Variants in NAV3 observed in about 807,000 individuals in gnomAD.
NAV3 encodes the protein pore membrane and/or filament interacting like protein 1.
Under a neutral mutation model 244.7 loss-of-function variants are expected in NAV3, and 87 were observed. That is an observed-to-expected ratio of 0.36 (90% CI 0.30 to 0.42). NAV3 has a LOEUF of 0.42. Among genes scored for constraint, NAV3 ranks in the 20% least tolerant of loss-of-function variants. The pLI, the probability that NAV3 is intolerant of heterozygous loss-of-function variation, is 1.00. For missense variants in NAV3, 2,663 were observed against 2,893.3 expected (o/e 0.92, Z 1.83); for synonymous variants, 1,126 against 1,042.2 (o/e 1.08, Z -1.55).
intron 2 of NAV3, among the ~76,000 whole-genome samples, chr12:77,701,571 C>T (rs1351010910): frequency 2.0e-5 from 3 of 151,796 alleles, no homozygotes; most frequent in Non-Finnish European, 4.4e-5. Context: ...AAGTTAGAAA[C>T]TTCAGTTAGA....
chr12:78,184,541 A>G (rs1477502333), intron 30 of NAV3, among the ~76,000 whole-genome samples: 1 of 151,874 alleles, frequency 6.6e-6, no homozygotes, highest in Non-Finnish European at 1.5e-5. Context: ...AAAGTTCTCA[A>G]GCTCTGAAAG....
At chr12:78,123,947 A>G (rs1327948151) in intron 16 of NAV3, among the ~76,000 whole-genome samples, 3 of 152,220 alleles carry the variant, frequency 2.0e-5, no homozygotes, top group Non-Finnish European at 1.5e-5. Context: ...CTAATGAATG[A>G]ATTATATTAA....
At position 78,006,497 on chromosome 12, in the gene NAV3, C is replaced by G. The variant is rs776672036; in HGVS notation, c.959C>G (p.Ala320Gly). ...CCCAGTACTGCTGGGCAGCCTCCTG[C>G]CTCTGCCATCCCTTCTCCAAGTGCC... ...QPPSTAGQPP[A>G]SAIPSPSASK... The change falls in exon 8 of 40, where the codon GCC (alanine) becomes GGC (glycine). Residue 320 changes from alanine to glycine, a missense_variant. Transcript: ENST00000397909. 1 of 1,614,036 alleles carries G rather than the reference C, an allele frequency of 6.2e-7. No individual in the cohort carries two copies. The highest frequency in any genetic ancestry group is 1.7e-5 in the Admixed American group (1 of 60,020).
At chr12:78,178,039 A>G (rs917520013) in intron 28 of NAV3, among the ~76,000 whole-genome samples, 2 of 151,900 alleles carry the variant, frequency 1.3e-5, no homozygotes, top group Non-Finnish European at 2.9e-5. Context: ...ATACCTACAT[A>G]TGATAAAATT....
intron 2 of NAV3, among the ~76,000 whole-genome samples, chr12:77,651,420 CT>C (rs1041792685): frequency 1.3e-5 from 2 of 151,992 alleles, no homozygotes; most frequent in Non-Finnish European, 2.9e-5. Context: ...TTTCCCGTGC[CT>C]TTTTTTTCTT....
intron 2 of NAV3, among the ~76,000 whole-genome samples, chr12:77,654,438 ACAAAG>A (rs1337347820): frequency 6.6e-6 from 1 of 152,146 alleles, no homozygotes; most frequent in African/African-American, 2.4e-5. Flanking sequence ...TCTTAGGTAA[ACAAAG>A]CAGTCAGGAA....
chr12:77,902,402 C>T (rs144439027), intron 1 of NAV3, among the ~76,000 whole-genome samples: 5 of 152,278 alleles, frequency 3.3e-5, no homozygotes, highest in African/African-American at 1.2e-4. Context: ...CCCATCAATA[C>T]CTAATTTATT....
At chr12:78,040,912 C>T (rs539459898) in intron 9 of NAV3, among the ~76,000 whole-genome samples, 2 of 152,186 alleles carry the variant, frequency 1.3e-5, no homozygotes, top group South Asian at 4.2e-4. Flanking sequence ...ATGTCTCTTC[C>T]TTGTCTGTAA....
At chr12:77,820,124 C>G (rs1048979006) in intron 2 of NAV3, among the ~76,000 whole-genome samples, 1 of 151,728 alleles carries the variant, frequency 6.6e-6, no homozygotes, top group African/African-American at 2.4e-5. Flanking sequence ...ACGCACTATT[C>G]TGGTAAGAAG....
chr12:77,866,804 G>A lies in NAV3; in HGVS notation c.243+35100G>A, dbSNP rs545970315. On this transcript the variant is annotated intron_variant, in intron 1 of 39. Transcript: ENST00000397909. ...CATCCAATCAAAGCTTAGATCTATA[G>A]TCAAATTCTTCCATGAAATAACATG... 6.2e-4 allele frequency among the ~76,000 whole-genome samples: 95 copies of A among 152,306 alleles called. No individual in the cohort carries two copies. The Middle Eastern group carries it at 0.01, about 16-fold the overall frequency.
chr12:77,585,845 CTGAAATATTTAAA>C (rs1869582114), intron 2 of NAV3, among the ~76,000 whole-genome samples: 1 of 152,166 alleles, frequency 6.6e-6, no homozygotes, highest in Non-Finnish European at 1.5e-5. Context: ...CTCTTTACCT[CTGAAATATTTAAA>C]TGTCTATTCT....
chr12:78,054,007 G>A (rs886592471), intron 11 of NAV3, among the ~76,000 whole-genome samples: 5 of 152,132 alleles, frequency 3.3e-5, no homozygotes, highest in Non-Finnish European at 7.4e-5. Flanking sequence ...GTTTGAATAA[G>A]AAATCAAGGG....
At chr12:78,023,921 C>T (rs991583825) in intron 9 of NAV3, among the ~76,000 whole-genome samples, 3 of 152,026 alleles carry the variant, frequency 2.0e-5, no homozygotes, top group African/African-American at 7.2e-5. Flanking sequence ...GTGTTGCAGT[C>T]CCTCCTGAGC....
intron 12 of NAV3, among the ~76,000 whole-genome samples, chr12:78,074,063 G>A (rs373392263): frequency 6.6e-6 from 1 of 152,106 alleles, no homozygotes; most frequent in Non-Finnish European, 1.5e-5. Context: ...GGAAATAAAA[G>A]CAATAAAGCT....
chr12:78,083,275 T>A (rs1953455082), intron 12 of NAV3, among the ~76,000 whole-genome samples: 1 of 152,116 alleles, frequency 6.6e-6, no homozygotes, highest in Admixed American at 6.5e-5. Context: ...AGTAGGTTGA[T>A]ACATTCATGA....
At chr12:78,173,788 G>A (rs1321251373) in intron 24 of NAV3, among the ~76,000 whole-genome samples, 1 of 150,734 alleles carries the variant, frequency 6.6e-6, no homozygotes, top group East Asian at 2.0e-4. Flanking sequence ...AAATTTTTCA[G>A]CATGATTGCC....
intron 2 of NAV3, among the ~76,000 whole-genome samples, chr12:77,604,301 C>G (rs1870573459): frequency 6.6e-6 from 1 of 151,384 alleles, no homozygotes; most frequent in African/African-American, 2.4e-5. Context: ...AGCAGAAAGA[C>G]AAAAGAAAAT....
chr12:77,688,284 C>A (rs1874849709), intron 2 of NAV3, among the ~76,000 whole-genome samples: 1 of 151,954 alleles, frequency 6.6e-6, no homozygotes, highest in Non-Finnish European at 1.5e-5. Flanking sequence ...AAAGGGGACA[C>A]AGACACTTCA....
intron 2 of NAV3, among the ~76,000 whole-genome samples, chr12:77,748,911 T>C (rs1362897312): frequency 1.3e-5 from 2 of 152,120 alleles, no homozygotes; most frequent in Non-Finnish European, 2.9e-5. Flanking sequence ...GACAACTAGG[T>C]GAGGTGATGT....
Sources: gnomAD v4.1 joint callset for allele counts (sites outside exome capture counted in the v4.1 genomes callset) on GRCh38, gnomAD v4.1.1 for gene constraint, MANE v1.5 for transcripts, NCBI Gene and HGNC (gene_info 2026-07-23, HGNC 2026-07-21) for gene names.